The following DCHS2 variants were observed in gnomAD, a reference collection of about 807,000 sequenced individuals.
DCHS2 encodes dachsous cadherin-related 2.
A neutral mutation model predicts 182.4 loss-of-function variants in DCHS2; 142 were observed. The observed-to-expected ratio is 0.78, with a 90% CI of 0.68 to 0.89. The LOEUF is 0.89. DCHS2 is among the 40% of genes least tolerant of loss of function. The pLI, the probability that DCHS2 is intolerant of heterozygous loss-of-function variation, is 0.00. For missense variants in DCHS2, 4,319 were observed against 4,198.6 expected, an observed-to-expected ratio of 1.03 and a Z score of -0.79; for synonymous variants, 1,740 against 1,663.3, an observed-to-expected ratio of 1.05 and a Z score of -1.12.
At chr4:154,460,093 C>A (rs1734951281) in intron 1 of DCHS2, among the ~76,000 whole-genome samples, 1 of 152,174 alleles carries the variant, frequency 6.6e-6, no homozygotes, top group Non-Finnish European at 1.5e-5. Context: ...AATACCCTAT[C>A]TATGAACCTG....
rs557797520 is a variant in DCHS2, at chr4:154,395,536, T to C, written c.2053-18092A>G. The stretch of plus-strand genomic sequence containing the variant: ...CTGCCTCCTGCCATAGCCCATAAGA[T>C]CTACAAGGAGAGAGACCATCTCTGT... On this transcript the variant is annotated intron_variant, in intron 1 of 19. Transcript: ENST00000357232. Among the ~76,000 whole-genome samples the C allele has an allele frequency of 2.6e-5, 4 of 152,314 alleles. No individual in the cohort carries two copies. The South Asian group carries it at 8.3e-4, about 32-fold the overall frequency.
At chr4:154,297,323 G>T (rs960813687) in intron 13 of DCHS2, among the ~76,000 whole-genome samples, 1 of 152,128 alleles carries the variant, frequency 6.6e-6, no homozygotes, top group Non-Finnish European at 1.5e-5. Context: ...TTCAAAGAGA[G>T]GTCCCAACCT....
chr4:154,456,026 C>T (rs1264164671), intron 1 of DCHS2, among the ~76,000 whole-genome samples: 1 of 151,854 alleles, frequency 6.6e-6, no homozygotes, highest in Non-Finnish European at 1.5e-5. Context: ...GAAGGCAGAG[C>T]TTGCAATGAG....
At chr4:154,373,808 T>C (rs545096105) in intron 2 of DCHS2, 3 of 812,976 alleles carry the variant, frequency 3.7e-6, no homozygotes, top group Non-Finnish European at 6.1e-6. Context: ...ACAGCCAAGA[T>C]GGAGAAGGTG....
Position 154,470,878 on chromosome 4 carries a change from A to G in DCHS2, c.2052+18426T>C, listed in dbSNP as rs138271573. ...ACTTGGTCAAAGTTAACTAACAATTATTACAGTATAGCTAGAGCTTCAGGT... is the reference window on the plus strand; with the variant it reads ...ACTTGGTCAAAGTTAACTAACAATTGTTACAGTATAGCTAGAGCTTCAGGT... On this transcript the variant is annotated intron_variant, in intron 1 of 19. Transcript: ENST00000357232. Among the ~76,000 whole-genome samples, 3 of 152,322 alleles carry G rather than the reference A, an allele frequency of 2.0e-5. No homozygotes were observed. The East Asian group carries it at 5.8e-4, about 29-fold the overall frequency.
At chr4:154,295,405 G>A (rs1359996007) in intron 13 of DCHS2, among the ~76,000 whole-genome samples, 1 of 152,120 alleles carries the variant, frequency 6.6e-6, no homozygotes, top group Non-Finnish European at 1.5e-5. Flanking sequence ...GATAACATGT[G>A]CTTCCCTCTT....
chr4:154,410,877 G>A (rs571354455), intron 1 of DCHS2, among the ~76,000 whole-genome samples: 14 of 152,308 alleles, frequency 9.2e-5, no homozygotes, highest in African/African-American at 3.4e-4. Context: ...AGCAGCAAGA[G>A]AAGTGTCAAG....
intron 1 of DCHS2, among the ~76,000 whole-genome samples, chr4:154,410,645 G>A (rs1288828485): frequency 1.4e-5 from 2 of 142,100 alleles, no homozygotes; most frequent in East Asian, 4.1e-4. Flanking sequence ...TAAGCAAACA[G>A]ACATTCACAT....
chr4:154,328,323 T>G, intron 6 of DCHS2, 131 bp from the exon 7 acceptor site: 1 of 564,780 alleles, frequency 1.8e-6, no homozygotes, highest in Non-Finnish European at 3.0e-6. Flanking sequence ...ATAATTCAAA[T>G]GCATACCATG....
At chr4:154,303,084 T>C in intron 12 of DCHS2, among the ~76,000 whole-genome samples, 1 of 150,348 alleles carries the variant, frequency 6.7e-6, no homozygotes. Context: ...TAAGTTCAAG[T>C]GATTCTCCTG....
intron 7 of DCHS2, among the ~76,000 whole-genome samples, chr4:154,326,935 A>C (rs1164650883): frequency 6.6e-6 from 1 of 152,198 alleles, no homozygotes; most frequent in African/African-American, 2.4e-5. Flanking sequence ...CATTTGATTG[A>C]AATCATACTG....
In DCHS2 at chr4:154,488,047, G is replaced by A. The variant is rs112007950; in HGVS notation, c.2052+1257C>T. Among the ~76,000 whole-genome samples the A allele has an allele frequency of 2.6e-4, 40 of 152,232 alleles. 1 individual carries two copies. The highest frequency in any genetic ancestry group is 3.4e-3 in the Middle Eastern group (1 of 294). ...TTAAAAATTAGCTAGCCATGTTGGC[G>A]CATGCCTGTGCTTGCAGCTACTTGG... is the stretch of plus-strand genomic sequence containing the variant. On this transcript the variant is annotated intron_variant, in intron 1 of 19. Coordinates refer to ENST00000357232, the MANE Select transcript of DCHS2 (RefSeq NM_001358235.2).
At chr4:154,420,257 A>ATAGAT (rs1335374527) in intron 1 of DCHS2, among the ~76,000 whole-genome samples, 1 of 147,236 alleles carries the variant, frequency 6.8e-6, no homozygotes, top group African/African-American at 2.5e-5. Flanking sequence ...AGATAGATAG[A>ATAGAT]TAGATAGATA....
chr4:154,345,867 G>A (rs6535996), intron 3 of DCHS2, among the ~76,000 whole-genome samples: 149,319 of 152,362 alleles, frequency 0.98, 73,238 homozygotes, highest in East Asian at 1. Context: ...ACAAAGAAGA[G>A]ATAAGATGTC....
chr4:154,462,749 T>G (rs1735063287), intron 1 of DCHS2, among the ~76,000 whole-genome samples: 1 of 152,260 alleles, frequency 6.6e-6, no homozygotes, highest in East Asian at 1.9e-4. Flanking sequence ...AAACATTATC[T>G]AATAGATTTA....
At chr4:154,339,795 T>G (rs916208941) in intron 3 of DCHS2, among the ~76,000 whole-genome samples, 1 of 152,080 alleles carries the variant, frequency 6.6e-6, no homozygotes, top group South Asian at 2.1e-4. Flanking sequence ...AAAAGAAAAA[T>G]TCATGAAAAC....
At chr4:154,482,883 G>A (rs185929134) in intron 1 of DCHS2, among the ~76,000 whole-genome samples, 97 of 152,330 alleles carry the variant, frequency 6.4e-4, no homozygotes, top group African/African-American at 2.2e-3. Context: ...CCTCTACTGA[G>A]TAGGAAGCAT....
At chr4:154,414,487 CTT>C (rs375818839) in intron 1 of DCHS2, among the ~76,000 whole-genome samples, 4,529 of 73,628 alleles carry the variant, frequency 0.062, 102 homozygotes, top group East Asian at 0.24. Context: ...ATACAGCTTT[CTT>C]TTTTTTTTTT....
chr4:154,322,308 A>G (rs757824932), intron 8 of DCHS2, 23 bp downstream of exon 8: 21 of 1,611,492 alleles, frequency 1.3e-5, no homozygotes, highest in Middle Eastern at 1.6e-4. Flanking sequence ...ATGTCCTTCC[A>G]TATTTTATGG....
Sources: gnomAD v4.1 joint callset for allele counts (sites outside exome capture counted in the v4.1 genomes callset) on GRCh38, gnomAD v4.1.1 for gene constraint, MANE v1.5 for transcripts, NCBI Gene and HGNC (gene_info 2026-07-23, HGNC 2026-07-21) for gene names.